The following CNTNAP2 variants were observed in gnomAD, a reference collection of about 807,000 sequenced individuals.
The protein encoded by CNTNAP2 is contactin-associated protein-like 2.
In CNTNAP2, 98 loss-of-function variants were observed where a neutral mutation model predicts 155.2. The ratio of observed to expected loss-of-function variants is 0.63; its 90% CI spans 0.54 to 0.75. CNTNAP2 has a LOEUF of 0.75. CNTNAP2 is among the 30% of genes least tolerant of loss of function. CNTNAP2 has a pLI of 0.00. For synonymous variants in CNTNAP2, 651 were observed against 631.2 expected, an observed-to-expected ratio of 1.03 and a Z score of -0.47; for missense variants, 1,727 against 1,688.1, an observed-to-expected ratio of 1.02 and a Z score of -0.40.
chr7:146,941,232 T>C (rs1414342760), intron 3 of CNTNAP2, among the ~76,000 whole-genome samples: 4 of 152,116 alleles, frequency 2.6e-5, no homozygotes, highest in Admixed American at 2.0e-4. Flanking sequence ...AGTGGTACAA[T>C]TATTTTGTTG....
intron 3 of CNTNAP2, among the ~76,000 whole-genome samples, chr7:146,984,121 A>G (rs1206105042): frequency 2.0e-5 from 3 of 151,916 alleles, no homozygotes; most frequent in African/African-American, 7.3e-5. Flanking sequence ...TAATCCCAGC[A>G]CTTTGGGAGG....
At chr7:146,964,549 C>T (rs780204647) in intron 3 of CNTNAP2, among the ~76,000 whole-genome samples, 6 of 152,168 alleles carry the variant, frequency 3.9e-5, no homozygotes, top group Admixed American at 1.3e-4. Flanking sequence ...AAATATATTA[C>T]CTCCTTTCAG....
intron 3 of CNTNAP2, among the ~76,000 whole-genome samples, chr7:146,974,696 A>G (rs1425889686): frequency 6.6e-6 from 1 of 152,124 alleles, no homozygotes; most frequent in Non-Finnish European, 1.5e-5. Context: ...AGAATGACTT[A>G]CTCTTTAGAA....
intron 15 of CNTNAP2, chr7:148,056,625 A>C (rs536826790): frequency 6.6e-6 from 1 of 152,328 alleles, no homozygotes; most frequent in Admixed American, 6.5e-5. Flanking sequence ...CCCCTAAATG[A>C]ATATGAGATG....
At chr7:147,808,330 C>A (rs1798125852) in intron 13 of CNTNAP2, among the ~76,000 whole-genome samples, 1 of 152,172 alleles carries the variant, frequency 6.6e-6, no homozygotes, top group South Asian at 2.1e-4. Flanking sequence ...AAGTCACAGG[C>A]CAGCCAAGAT....
intron 16 of CNTNAP2, among the ~76,000 whole-genome samples, chr7:148,144,761 CA>C (rs1371805670): frequency 6.6e-6 from 1 of 152,152 alleles, no homozygotes; most frequent in African/African-American, 2.4e-5. Context: ...TCCTTTTTCA[CA>C]GGCAGAAACA....
intron 1 of CNTNAP2, among the ~76,000 whole-genome samples, chr7:146,617,784 AAAGTC>A (rs1313831868): frequency 1.3e-5 from 2 of 152,320 alleles, no homozygotes; most frequent in East Asian, 3.9e-4. Context: ...ATATCTCATA[AAAGTC>A]AAGTCTGAAA....
chr7:147,123,168 G>C lies in CNTNAP2; in HGVS notation c.939+2005G>C, dbSNP rs191449493. Reference sequence around the variant, plus strand: ...AACTGATTGTTAAAAGAAAATGTATGTGAACATCCCAGAAATTTCTATCTT... The same window carrying C: ...AACTGATTGTTAAAAGAAAATGTATCTGAACATCCCAGAAATTTCTATCTT... On this transcript the variant is annotated intron_variant, in intron 6 of 23. Transcript: ENST00000361727. 4.3e-3 allele frequency among the ~76,000 whole-genome samples: 650 copies of C among 152,222 alleles called. 16 individuals carry two copies. The highest frequency in any genetic ancestry group is 0.039 in the Admixed American group (594 of 15,284).
chr7:146,768,453 C>CTAA (rs1476162674), intron 1 of CNTNAP2, among the ~76,000 whole-genome samples: 1 of 151,642 alleles, frequency 6.6e-6, no homozygotes, highest in Non-Finnish European at 1.5e-5. Flanking sequence ...ATTGCATTAA[C>CTAA]TAATGACCCT....
chr7:146,927,202 AG>A (rs1455159999), intron 3 of CNTNAP2, among the ~76,000 whole-genome samples: 5 of 152,204 alleles, frequency 3.3e-5, no homozygotes, highest in Non-Finnish European at 7.4e-5. Flanking sequence ...GTGTATTTTA[AG>A]TTCCAAGAAC....
intron 13 of CNTNAP2, among the ~76,000 whole-genome samples, chr7:147,753,953 T>G (rs1182744464): frequency 1.3e-5 from 2 of 152,212 alleles, no homozygotes; most frequent in Non-Finnish European, 2.9e-5. Flanking sequence ...GAACTCAGGC[T>G]TTTGTCCCTC....
At chr7:147,458,950 T>C (rs1489512107) in intron 10 of CNTNAP2, among the ~76,000 whole-genome samples, 1 of 141,178 alleles carries the variant, frequency 7.1e-6, no homozygotes, top group Non-Finnish European at 1.5e-5. Context: ...AGAAATTCCA[T>C]TGGCATTCAG....
intron 1 of CNTNAP2, among the ~76,000 whole-genome samples, chr7:146,171,718 C>T (rs768584774): frequency 6.6e-6 from 1 of 152,070 alleles, no homozygotes; most frequent in South Asian, 2.1e-4. Context: ...TTCTTAAATG[C>T]TCTGGAAATA....
chr7:147,021,487 G>T (rs1231230489), intron 3 of CNTNAP2, among the ~76,000 whole-genome samples: 1 of 152,102 alleles, frequency 6.6e-6, no homozygotes, highest in African/African-American at 2.4e-5. Context: ...CAGTGTAAAA[G>T]ATAAGACTAT....
At chr7:146,497,873 A>C (rs1322859465) in intron 1 of CNTNAP2, among the ~76,000 whole-genome samples, 1 of 147,064 alleles carries the variant, frequency 6.8e-6, no homozygotes, top group African/African-American at 2.5e-5. Flanking sequence ...TTATATATAA[A>C]CACATATATA....
chr7:147,538,649 A>T (rs1562986943), intron 11 of CNTNAP2, among the ~76,000 whole-genome samples: 1 of 152,058 alleles, frequency 6.6e-6, no homozygotes, highest in Non-Finnish European at 1.5e-5. Flanking sequence ...GATTATATAT[A>T]TAAAAAAAAA....
intron 11 of CNTNAP2, among the ~76,000 whole-genome samples, chr7:147,490,538 A>ATT (rs1491447608): frequency 6.6e-6 from 1 of 152,212 alleles, no homozygotes; most frequent in African/African-American, 2.4e-5. Context: ...TTTTCAAAAT[A>ATT]AATTGAATTC....
chr7:146,626,687 TAA>T (rs1188855517), intron 1 of CNTNAP2, among the ~76,000 whole-genome samples: 1 of 152,110 alleles, frequency 6.6e-6, no homozygotes, highest in African/African-American at 2.4e-5. Flanking sequence ...ATCAAAGTCA[TAA>T]AAAGTAAAAA....
At chr7:147,138,795 C>A (rs1242485043) in intron 8 of CNTNAP2, among the ~76,000 whole-genome samples, 2 of 151,816 alleles carry the variant, frequency 1.3e-5, no homozygotes, top group Non-Finnish European at 2.9e-5. Flanking sequence ...TGTTCTATGC[C>A]TTTTTCAGGG....
Sources: allele counts gnomAD v4.1 joint callset (sites outside exome capture counted in the v4.1 genomes callset), GRCh38; gene constraint gnomAD v4.1.1; transcripts MANE v1.5; gene names NCBI Gene and HGNC (gene_info 2026-07-23, HGNC 2026-07-21).